AGMO: variants seen among roughly 807,000 people sequenced by gnomAD.
The protein encoded by AGMO is alkylglycerol monooxygenase, also known as glyceryl-ether monooxygenase.
Under a neutral mutation model 60.2 loss-of-function variants are expected in AGMO, and 75 were observed. That is an observed-to-expected ratio of 1.25 (90% confidence interval 1.03 to 1.51). The LOEUF (loss-of-function observed/expected upper bound fraction) is 1.51, where lower values mean the gene tolerates loss of function less well. Ranked by LOEUF, AGMO falls within the 40% of genes most tolerant of loss-of-function variation. AGMO has a pLI of 0.00. For missense variants in AGMO, 763 were observed against 525.5 expected (o/e 1.45, Z -4.42); for synonymous variants, 261 against 177.1 (o/e 1.47, Z -3.76).
At chr7:15,385,086 G>T in intron 10 of AGMO, among the ~76,000 whole-genome samples, 1 of 152,228 alleles carries the variant, frequency 6.6e-6, no homozygotes, top group South Asian at 2.1e-4. Flanking sequence ...CTAAGTGAAG[G>T]TAAGTATGTT....
At chr7:15,136,285 G>A in the AGMO span, among the ~76,000 whole-genome samples, 2 of 151,890 alleles carry the variant, frequency 1.3e-5, no homozygotes, top group Admixed American at 6.6e-5. Context: ...GAGCCACCGC[G>A]CCTGGCCTAG....
intron 12 of AGMO, 148 bp from the exon 13 acceptor site, chr7:15,201,507 G>A: frequency 1.7e-6 from 1 of 587,474 alleles, no homozygotes; most frequent in Non-Finnish European, 2.9e-6. Context: ...ATTGTTCACT[G>A]ATAGAACTTA....
At chr7:15,540,993 A>C (rs1443685474) in intron 3 of AGMO, among the ~76,000 whole-genome samples, 3 of 152,238 alleles carry the variant, frequency 2.0e-5, no homozygotes, top group African/African-American at 7.2e-5. Context: ...CCTCCCAAGC[A>C]GTAATTATCA....
chr7:15,255,397 C>T (rs1007447278), intron 12 of AGMO, among the ~76,000 whole-genome samples: 8 of 151,834 alleles, frequency 5.3e-5, no homozygotes, highest in African/African-American at 1.7e-4. Flanking sequence ...TTTTCGCTGC[C>T]GAATTGTACA....
chr7:15,233,554 T>C (rs1191708798), intron 12 of AGMO, among the ~76,000 whole-genome samples: 1 of 151,730 alleles, frequency 6.6e-6, no homozygotes, highest in Non-Finnish European at 1.5e-5. Flanking sequence ...AGAGTTGTTT[T>C]TTTTTTTCCC....
intron 8 of AGMO, 104 bp downstream of exon 8, chr7:15,390,565 CAG>C: frequency 1.3e-6 from 1 of 775,774 alleles, no homozygotes; most frequent in Non-Finnish European, 1.9e-6. Flanking sequence ...AAAATTTTTT[CAG>C]GTTAGTGTAA....
the AGMO span, among the ~76,000 whole-genome samples, chr7:15,144,429 CAA>C: frequency 6.6e-6 from 1 of 152,076 alleles, no homozygotes; most frequent in African/African-American, 2.4e-5. Context: ...TTAAATACCT[CAA>C]GTGTTTGTTT....
At chr7:15,277,940 T>C (rs937457609) in intron 12 of AGMO, among the ~76,000 whole-genome samples, 3 of 152,078 alleles carry the variant, frequency 2.0e-5, no homozygotes, top group African/African-American at 7.2e-5. Flanking sequence ...AAGCTCCTAG[T>C]GAAATGCACT....
chr7:15,298,153 C>T (rs766818112), intron 12 of AGMO, among the ~76,000 whole-genome samples: 83 of 151,966 alleles, frequency 5.5e-4, no homozygotes, highest in Non-Finnish European at 9.6e-4. Context: ...AGATAGACTA[C>T]TTGTGTATAA....
intron 12 of AGMO, among the ~76,000 whole-genome samples, chr7:15,216,897 A>G (rs912410942): frequency 2.0e-5 from 3 of 150,256 alleles, no homozygotes; most frequent in Non-Finnish European, 3.0e-5. Context: ...CCCTTTGACA[A>G]TGTTTGGCAA....
At chr7:15,156,997 G>A in the AGMO span, among the ~76,000 whole-genome samples, 3 of 151,992 alleles carry the variant, frequency 2.0e-5, no homozygotes, top group East Asian at 5.8e-4. Context: ...TATTTTTTCT[G>A]GCCATTAAAT....
chr7:15,362,013 A>G (rs965401688), intron 12 of AGMO, among the ~76,000 whole-genome samples: 2 of 152,166 alleles, frequency 1.3e-5, no homozygotes, highest in African/African-American at 4.8e-5. Flanking sequence ...ATAGCTTCAA[A>G]GAAAAATGAA....
chr7:15,449,471 T>A (rs1160499699), intron 3 of AGMO, among the ~76,000 whole-genome samples: 1 of 152,162 alleles, frequency 6.6e-6, no homozygotes, highest in African/African-American at 2.4e-5. Context: ...ATTTTGATCA[T>A]CCCTTTTCTA....
rs971427140 is a variant in AGMO at position 15,544,685 on chromosome 7, T to A, written c.409+87A>T. ...ATATACTATTTTATTCCTGTATTTA[T>A]CCATTCAATAAATGTTTACTGAATA... On this transcript the variant is annotated intron_variant, in intron 3 of 12. Coordinates refer to ENST00000342526, the MANE Select transcript of AGMO (RefSeq NM_001004320.2). The A allele has an allele frequency of 9.4e-6, 10 of 1,065,418 alleles. No homozygotes were observed. The Middle Eastern group carries it at 2.0e-3, about 217-fold the overall frequency. 66.0% of individuals were successfully genotyped at this position (1,065,418 alleles called of 1,614,324 possible).
At chr7:15,409,739 T>C (rs892217312) in intron 5 of AGMO, among the ~76,000 whole-genome samples, 4 of 151,798 alleles carry the variant, frequency 2.6e-5, no homozygotes, top group African/African-American at 4.8e-5. Flanking sequence ...GGCTATTTAT[T>C]ACAACATTAA....
chr7:15,184,364 A>AAGGAAGGAATAGAAGGAAGGAAGGG, the AGMO span, among the ~76,000 whole-genome samples: 1 of 3,534 alleles, frequency 2.8e-4, no homozygotes, highest in African/African-American at 2.1e-3. Flanking sequence ...GGAGGGAAGG[A>AAGGAAGGAATAGAAGGAAGGAAGGG]AGGGAAGGAA....
chr7:15,315,779 T>C (rs1324472482), intron 12 of AGMO, among the ~76,000 whole-genome samples: 1 of 152,084 alleles, frequency 6.6e-6, no homozygotes, highest in Admixed American at 6.6e-5. Flanking sequence ...AAAGTCTCTA[T>C]TATAAAGAGG....
rs1440733355 is a variant in AGMO at position 15,239,761 on chromosome 7, CTTA to C, written c.1264-38405_1264-38403del. 2.6e-5 allele frequency among the ~76,000 whole-genome samples: 4 copies of C among 152,174 alleles called. No homozygotes were observed. In the East Asian group the frequency reaches 7.7e-4, roughly 29 times the overall value. On this transcript the variant is annotated intron_variant, in intron 12 of 12. Transcript: ENST00000342526. ...ATGTAGGTGTTTCTTATTATGTACACTTATTAAGTACACTTACATATTAAAAAT... is the reference window on the plus strand; with the variant it reads ...ATGTAGGTGTTTCTTATTATGTACACTTAAGTACACTTACATATTAAAAAT...
intron 10 of AGMO, among the ~76,000 whole-genome samples, chr7:15,383,574 C>T (rs1011942114): frequency 6.6e-6 from 1 of 152,092 alleles, no homozygotes; most frequent in East Asian, 1.9e-4. Context: ...GATTATTACA[C>T]TGGTACCTAA....
Sources: gnomAD v4.1 joint callset for allele counts (sites outside exome capture counted in the v4.1 genomes callset) on GRCh38, gnomAD v4.1.1 for gene constraint, MANE v1.5 for transcripts, NCBI Gene and HGNC (gene_info 2026-07-23, HGNC 2026-07-21) for gene names.